The following CFAP54 variants were observed in gnomAD, a reference collection of about 807,000 sequenced individuals.
The protein encoded by CFAP54 is cilia- and flagella-associated protein 54.
A neutral mutation model predicts 370.4 loss-of-function variants in CFAP54; 290 were observed. The observed-to-expected ratio is 0.78, with a 90% CI of 0.71 to 0.86. CFAP54 has a LOEUF of 0.86. CFAP54 is among the 40% of genes least tolerant of loss of function. CFAP54 has a pLI of 0.00. For synonymous variants in CFAP54, 1,206 were observed against 1,236.5 expected (o/e 0.98, Z 0.52); for missense variants, 3,399 against 3,528.7 (o/e 0.96, Z 0.93).
At chr12:96,784,646 C>T in intron 60 of CFAP54, 71 bp from the exon 61 acceptor site, 2 of 1,127,946 alleles carry the variant, frequency 1.8e-6, no homozygotes, top group African/African-American at 1.6e-5. Flanking sequence ...TGCTTTTTTT[C>T]TGTTCATGAT....
rs71068819 is a variant in CFAP54 at position 96,621,875 on chromosome 12, GTTTTTTT to G, written c.3771+180_3771+186del. 2.0e-4 allele frequency among the ~76,000 whole-genome samples: 10 copies of G among 50,022 alleles called. 1 individual carries two copies. The highest frequency in any genetic ancestry group is 4.3e-4 in the African/African-American group (5 of 11,606). The allele number at this position is 50,022 out of a possible 152,430, so 32.8% of individuals were successfully genotyped here. On this transcript the variant is annotated intron_variant, in intron 27 of 67. Coordinates refer to ENST00000524981, the MANE Select transcript of CFAP54 (RefSeq NM_001306084.2). Reference sequence around the variant, plus strand: ...ATTATAGTAAAGAGCTTTTGGGTTTGTTTTTTTTTTTTTTTTTTTTTTTTTTTTTTTT... The same window carrying G: ...ATTATAGTAAAGAGCTTTTGGGTTTGTTTTTTTTTTTTTTTTTTTTTTTTT...
Position 96,665,111 on chromosome 12 carries a change from GTT to G in CFAP54, c.5563+1189_5563+1190del, listed in dbSNP as rs71068822. Reference sequence around the variant, plus strand: ...TCATATGATTGTTGGCCACATGTATGTTTTTTTTTTTGAGAACTCTCTGTTCA... The same window carrying G: ...TCATATGATTGTTGGCCACATGTATGTTTTTTTTTGAGAACTCTCTGTTCA... On this transcript the variant is annotated intron_variant, in intron 39 of 67. Transcript: ENST00000524981. Among the ~76,000 whole-genome samples, 720 of 146,558 alleles carry G rather than the reference GTT, an allele frequency of 4.9e-3. 6 individuals carry two copies. The highest frequency in any genetic ancestry group is 0.017 in the African/African-American group (672 of 39,726).
intron 48 of CFAP54, among the ~76,000 whole-genome samples, chr12:96,710,295 G>A (rs1957596528): frequency 1.3e-5 from 2 of 152,224 alleles, no homozygotes; most frequent in African/African-American, 4.8e-5. Flanking sequence ...AGGAGAGCTT[G>A]GCTGCGTCTC....
intron 51 of CFAP54, 98 bp downstream of exon 51, chr12:96,740,159 A>G (rs1958035087): frequency 1.5e-6 from 1 of 684,164 alleles, no homozygotes; most frequent in African/African-American, 1.8e-5. Context: ...GCAAAGGAGT[A>G]AAGTAGAAAA....
intron 50 of CFAP54, among the ~76,000 whole-genome samples, chr12:96,726,448 C>A (rs1243375932): frequency 6.6e-6 from 1 of 152,154 alleles, no homozygotes; most frequent in Admixed American, 6.5e-5. Flanking sequence ...TCTAGATTTT[C>A]TAGTTTATTT....
intron 58 of CFAP54, among the ~76,000 whole-genome samples, chr12:96,758,816 G>T (rs1754104020): frequency 6.6e-6 from 1 of 152,116 alleles, no homozygotes; most frequent in Non-Finnish European, 1.5e-5. Context: ...CTCTGATTCA[G>T]TAAATCAGGG....
intron 36 of CFAP54, among the ~76,000 whole-genome samples, chr12:96,654,907 C>T (rs966388728): frequency 8.8e-5 from 13 of 147,698 alleles, no homozygotes; most frequent in Admixed American, 6.2e-4. Flanking sequence ...GAACTAATAT[C>T]CCTCGTGAAC....
At chr12:96,595,911 A>G (rs1956173279) in intron 25 of CFAP54, among the ~76,000 whole-genome samples, 1 of 152,038 alleles carries the variant, frequency 6.6e-6, no homozygotes, top group Non-Finnish European at 1.5e-5. Context: ...CATTGAGTCT[A>G]TTTTTACCCA....
At chr12:96,747,525 G>T (rs780743720) in intron 55 of CFAP54, among the ~76,000 whole-genome samples, 1 of 152,190 alleles carries the variant, frequency 6.6e-6, no homozygotes, top group Admixed American at 6.5e-5. Context: ...CCAGCAGATA[G>T]TATGTGCTCA....
chr12:96,705,718 C>T (rs949951120), intron 47 of CFAP54, among the ~76,000 whole-genome samples: 1 of 152,062 alleles, frequency 6.6e-6, no homozygotes, highest in African/African-American at 2.4e-5. Context: ...TAAAACAGTA[C>T]CGTTGGTCTG....
intron 26 of CFAP54, among the ~76,000 whole-genome samples, chr12:96,609,325 A>G (rs1956331221): frequency 6.6e-6 from 1 of 152,246 alleles, no homozygotes; most frequent in Admixed American, 6.5e-5. Flanking sequence ...TGCAATAGCA[A>G]GGTAAAGGAG....
At position 96,874,612 on chromosome 12, in the gene CFAP54, C is replaced by CTTTTTTTTTTTTTTTTTTTTT. The variant is rs879517925; in HGVS notation, c.*15-498_*15-497insTTTTTTTTTTTTTTTTTTTTT. ...GTTCTGTTCTGTTTTGGGATCTCTG[C>CTTTTTTTTTTTTTTTTTTTTT]TTTTTTTTATTTTTATTTTATTTTT... On this transcript the variant is annotated intron_variant, in intron 67 of 67. Transcript: ENST00000524981. Among the ~76,000 whole-genome samples, 3 of 40,058 alleles carry CTTTTTTTTTTTTTTTTTTTTT rather than the reference C, an allele frequency of 7.5e-5. 1 individual carries two copies. Among genetic ancestry groups the CTTTTTTTTTTTTTTTTTTTTT allele is most frequent in the African/African-American group, 1.9e-4 (2 of 10,382 alleles). The allele number at this position is 40,058 out of a possible 152,430, so 26.3% of individuals were successfully genotyped here. A position where few individuals can be genotyped will look rare whatever the true frequency, so the allele number is the denominator to read the frequency against.
At chr12:96,804,893 T>C (rs1437959702) in intron 63 of CFAP54, among the ~76,000 whole-genome samples, 6 of 151,958 alleles carry the variant, frequency 3.9e-5, no homozygotes, top group Admixed American at 3.9e-4. Flanking sequence ...GTATAAAAAA[T>C]AGACACATAC....
At chr12:96,554,884 G>A (rs1355045126) in intron 17 of CFAP54, 82 bp downstream of exon 17, 2 of 1,277,236 alleles carry the variant, frequency 1.6e-6, no homozygotes, top group African/African-American at 1.5e-5. Flanking sequence ...TTTGAAAACT[G>A]TGTTCTTGTT....
At chr12:96,574,581 TA>T (rs146507805) in intron 19 of CFAP54, among the ~76,000 whole-genome samples, 12,740 of 152,098 alleles carry the variant, frequency 0.084, 711 homozygotes, top group Middle Eastern at 0.14. Context: ...TAATGAATGT[TA>T]AAAAATGTTT....
intron 48 of CFAP54, among the ~76,000 whole-genome samples, chr12:96,712,330 A>G (rs1843511446): frequency 6.6e-6 from 1 of 150,746 alleles, no homozygotes; most frequent in African/African-American, 2.5e-5. Flanking sequence ...CTGAAATAAG[A>G]AATTCATTAT....
chr12:96,686,116 C>T (rs138173869), intron 42 of CFAP54, among the ~76,000 whole-genome samples: 52 of 152,330 alleles, frequency 3.4e-4, no homozygotes, highest in African/African-American at 1.1e-3. Flanking sequence ...TTTGTTATCT[C>T]ATGATTCTGA....
chr12:96,575,021 G>T (rs1007270867), intron 19 of CFAP54, among the ~76,000 whole-genome samples: 20 of 151,918 alleles, frequency 1.3e-4, no homozygotes, highest in African/African-American at 4.8e-4. Flanking sequence ...AACAATTTTT[G>T]GGTAACATTT....
At chr12:96,610,831 G>A (rs1247216572) in intron 26 of CFAP54, among the ~76,000 whole-genome samples, 1 of 152,232 alleles carries the variant, frequency 6.6e-6, no homozygotes, top group African/African-American at 2.4e-5. Flanking sequence ...GTGGCAGCAA[G>A]GCTGGGGGAG....
Sources: allele counts gnomAD v4.1 joint callset (sites outside exome capture counted in the v4.1 genomes callset), GRCh38; gene constraint gnomAD v4.1.1; transcripts MANE v1.5; gene names NCBI Gene and HGNC (gene_info 2026-07-23, HGNC 2026-07-21).